LMO7: variants seen among roughly 807,000 people sequenced by gnomAD.
LMO7 encodes the protein LIM domain only protein 7.
Under a neutral mutation model 206.5 loss-of-function variants are expected in LMO7, and 120 were observed. That is an observed-to-expected ratio of 0.58 (90% confidence interval 0.50 to 0.68). LMO7 has a LOEUF of 0.68. Ranked by LOEUF, LMO7 falls within the 30% of genes least tolerant of loss-of-function variation. The pLI is 0.00. For synonymous variants in LMO7, 706 were observed against 681.5 expected (o/e 1.04, Z -0.56); for missense variants, 1,959 against 1,957.9 (o/e 1.00, Z -0.01).
intron 1 of LMO7, among the ~76,000 whole-genome samples, chr13:75,646,462 C>T (rs933837483): frequency 6.6e-5 from 10 of 152,184 alleles, no homozygotes; most frequent in African/African-American, 2.4e-4. Flanking sequence ...AAGGCAGTCT[C>T]TAGGGCCCCA....
intron 28 of LMO7, among the ~76,000 whole-genome samples, chr13:75,853,987 T>G (rs1403120775): frequency 6.6e-6 from 1 of 152,204 alleles, no homozygotes; most frequent in Non-Finnish European, 1.5e-5. Flanking sequence ...TGAGGCTACA[T>G]CAGCTGGATT....
intron 1 of LMO7, among the ~76,000 whole-genome samples, chr13:75,698,078 G>GA (rs1289135516): frequency 6.6e-6 from 1 of 151,990 alleles, no homozygotes; most frequent in Non-Finnish European, 1.5e-5. Context: ...GTGAATTATG[G>GA]AAAAAGACAA....
At chr13:75,685,793 G>A (rs1162612811) in intron 1 of LMO7, among the ~76,000 whole-genome samples, 1 of 151,948 alleles carries the variant, frequency 6.6e-6, no homozygotes, top group Non-Finnish European at 1.5e-5. Flanking sequence ...ATGAAATGAG[G>A]GATGATAAAT....
At chr13:75,626,261 C>A (rs565717064) in intron 2 of LMO7, among the ~76,000 whole-genome samples, 2 of 151,884 alleles carry the variant, frequency 1.3e-5, no homozygotes, top group African/African-American at 4.8e-5. Flanking sequence ...AAGAAAAAGA[C>A]GTTTAATGGG....
chr13:75,692,600 G>C (rs1209415756), intron 1 of LMO7, among the ~76,000 whole-genome samples: 2 of 151,912 alleles, frequency 1.3e-5, no homozygotes, highest in African/African-American at 4.8e-5. Context: ...TGCCCAGCCT[G>C]GACTTACAAG....
intron 3 of LMO7, among the ~76,000 whole-genome samples, chr13:75,733,263 C>A (rs1016890279): frequency 6.6e-6 from 1 of 152,260 alleles, no homozygotes; most frequent in African/African-American, 2.4e-5. Context: ...CCTTCTTGAG[C>A]TGTGGTGGGC....
At chr13:75,736,237 G>A (rs1392069754) in intron 3 of LMO7, among the ~76,000 whole-genome samples, 1 of 152,194 alleles carries the variant, frequency 6.6e-6, no homozygotes, top group Admixed American at 6.5e-5. Flanking sequence ...TTCGAATACA[G>A]GACACTGAGC....
intron 15 of LMO7, among the ~76,000 whole-genome samples, chr13:75,829,105 A>G (rs537919064): frequency 4.6e-5 from 7 of 152,290 alleles, no homozygotes; most frequent in South Asian, 4.1e-4. Flanking sequence ...AGACATGGCA[A>G]TGAATGAGGT....
In LMO7 at chr13:75,760,992, T is replaced by C. The variant is rs1785764610; in HGVS notation, c.271T>C (p.Phe91Leu). Residue 91 changes from phenylalanine to leucine, a missense_variant, in exon 4 of 31, where the codon TTC becomes CTC. Coordinates refer to ENST00000377534, the MANE Select transcript of LMO7 (RefSeq NM_001306080.2). Reference protein sequence around the residue: ...EQIGLKEAQLFHPGDLQDLSN... With the variant: ...EQIGLKEAQLLHPGDLQDLSN... ...GATTGGATTGAAAGAAGCCCAGCTT[T>C]TCCATCCTGGAGATCTACAGGATTT... 6.2e-7 allele frequency: 1 copy of C among 1,613,448 alleles called. No homozygotes were observed. Among genetic ancestry groups the C allele is most frequent in the Non-Finnish European group, 8.5e-7 (1 of 1,179,712 alleles).
intron 20 of LMO7, chr13:75,838,472 A>C (rs2059330238): frequency 1.5e-6 from 1 of 658,876 alleles, no homozygotes; most frequent in African/African-American, 1.9e-5. Flanking sequence ...AAAAAAAAAA[A>C]AAGGGAGATG....
At chr13:75,647,776 G>A (rs1008223300) in intron 1 of LMO7, among the ~76,000 whole-genome samples, 1 of 152,048 alleles carries the variant, frequency 6.6e-6, no homozygotes. Flanking sequence ...CCCATCTCAT[G>A]CTTTGAAAGG....
upstream of LMO7, among the ~76,000 whole-genome samples, chr13:75,632,924 G>A (rs911590421): frequency 7.5e-6 from 1 of 134,082 alleles, no homozygotes; most frequent in Non-Finnish European, 1.5e-5. Context: ...GCAGTGCCGT[G>A]GTCTCGGCTC....
chr13:75,798,641 G>T (rs571648048), intron 6 of LMO7, among the ~76,000 whole-genome samples: 13 of 152,276 alleles, frequency 8.5e-5, no homozygotes, highest in Non-Finnish European at 1.5e-4. Flanking sequence ...TTTTGTATCA[G>T]TTCTATTAAA....
At position 75,805,460 on chromosome 13, in the gene LMO7, G is replaced by T; in HGVS notation, c.915-19G>T. The T allele has an allele frequency of 6.2e-7, 1 of 1,609,706 alleles. No homozygotes were observed. Among genetic ancestry groups the T allele is most frequent in the Admixed American group, 1.7e-5 (1 of 59,720 alleles). On this transcript the variant is annotated intron_variant, in intron 8 of 30. Coordinates refer to ENST00000377534, the MANE Select transcript of LMO7 (RefSeq NM_001306080.2). ...CAAATGCTCATACAGTGTCTTAACC[G>T]GTTGGATGTTTTGAACAGTAATCAG...
chr13:75,742,940 T>C (rs578124714), intron 3 of LMO7, among the ~76,000 whole-genome samples: 17 of 152,226 alleles, frequency 1.1e-4, no homozygotes, highest in African/African-American at 4.1e-4. Flanking sequence ...ACAGACAACC[T>C]ACAGAATGGG....
intron 4 of LMO7, among the ~76,000 whole-genome samples, chr13:75,762,834 A>T (rs2048367092): frequency 6.6e-6 from 1 of 152,114 alleles, no homozygotes. Flanking sequence ...ATCTCATTGG[A>T]CCAAAAAGCA....
chr13:75,681,736 A>ATG (rs755013256), intron 1 of LMO7, among the ~76,000 whole-genome samples: 3,816 of 133,200 alleles, frequency 0.029, 208 homozygotes, highest in African/African-American at 0.093. Context: ...ATATATATAT[A>ATG]TATATATATA....
intron 3 of LMO7, among the ~76,000 whole-genome samples, chr13:75,749,780 C>T (rs1192508297): frequency 6.6e-6 from 1 of 151,880 alleles, no homozygotes; most frequent in Admixed American, 6.6e-5. Context: ...TTACGGCTTT[C>T]CTTGTCCTTA....
At position 75,737,610 on chromosome 13, in the gene LMO7, G is replaced by A. The variant is rs1278127805; in HGVS notation, c.210+10512G>A. Among the ~76,000 whole-genome samples the A allele has an allele frequency of 7.2e-4, 105 of 146,542 alleles. No homozygotes were observed. In the Middle Eastern group the frequency reaches 0.014, roughly 19 times the overall value. On this transcript the variant is annotated intron_variant, in intron 3 of 30. Transcript: ENST00000377534. ...CTACTAAAAATACAAAAAATTAGCC[G>A]GGCGTGGTAGCGGGCGCCTGTAGTC...
Sources: gnomAD v4.1 joint callset for allele counts (sites outside exome capture counted in the v4.1 genomes callset) on GRCh38, gnomAD v4.1.1 for gene constraint, MANE v1.5 for transcripts, NCBI Gene and HGNC (gene_info 2026-07-23, HGNC 2026-07-21) for gene names.